Variants in UTS2B observed in about 807,000 individuals in gnomAD.
UTS2B encodes urotensin-2B.
A neutral mutation model predicts 19.2 loss-of-function variants in UTS2B; 21 were observed. The observed-to-expected ratio is 1.09, with a 90% CI of 0.78 to 1.58. UTS2B has a LOEUF of 1.58. UTS2B is among the 40% of genes most tolerant of loss of function. The pLI, the probability that UTS2B is intolerant of heterozygous loss-of-function variation, is 0.00. For missense variants in UTS2B, 138 were observed against 130.3 expected (o/e 1.06, Z -0.29); for synonymous variants, 57 against 50.2 (o/e 1.14, Z -0.58).
At position 191,299,093 on chromosome 3, in the gene UTS2B, C is replaced by A. The variant is rs146341263; in HGVS notation, c.-125+5399G>T. Among the ~76,000 whole-genome samples the A allele has an allele frequency of 9.2e-5, 14 of 151,982 alleles. No individual in the cohort carries two copies. In the East Asian group the frequency reaches 2.7e-3, roughly 29 times the overall value. On this transcript the variant is annotated intron_variant, in intron 4 of 8. Transcript: ENST00000340524. ...TCCTATGCAGGAGCAAAGAAGTGAT[C>A]TGAAATTTGAACTTACATTTAAAAG...
At chr3:191,309,052 G>C (rs1257973069) in intron 3 of UTS2B, among the ~76,000 whole-genome samples, 1 of 152,220 alleles carries the variant, frequency 6.6e-6, no homozygotes, top group Non-Finnish European at 1.5e-5. Flanking sequence ...AATGCCAGTA[G>C]GTGGGTTAAT....
chr3:191,308,126 G>C (rs116347493), intron 3 of UTS2B, among the ~76,000 whole-genome samples: 1 of 152,156 alleles, frequency 6.6e-6, no homozygotes, highest in Non-Finnish European at 1.5e-5. Flanking sequence ...CAGCCACCAC[G>C]ATGTAGGGAC....
chr3:191,281,690 A>G (rs1235185972), intron 5 of UTS2B, among the ~76,000 whole-genome samples: 3 of 57,708 alleles, frequency 5.2e-5, no homozygotes, highest in African/African-American at 1.1e-4. Flanking sequence ...AGAACTTACT[A>G]ATAGTCTTGT....
intron 4 of UTS2B, among the ~76,000 whole-genome samples, chr3:191,286,418 A>T (rs6777883): frequency 0.041 from 6,285 of 152,292 alleles, 438 homozygotes; most frequent in African/African-American, 0.14. Flanking sequence ...CATATCTTAT[A>T]TCTTCTCCAA....
At chr3:191,313,265 G>A (rs1296654165) in intron 3 of UTS2B, among the ~76,000 whole-genome samples, 2 of 152,140 alleles carry the variant, frequency 1.3e-5, no homozygotes, top group African/African-American at 2.4e-5. Flanking sequence ...AAAGTGCTGG[G>A]ATTACAGATG....
At chr3:191,339,803 A>G in the UTS2B span, among the ~76,000 whole-genome samples, 1 of 152,236 alleles carries the variant, frequency 6.6e-6, no homozygotes. Context: ...TGTGAGAACT[A>G]TTAGTTGAAA....
At chr3:191,270,748 G>A (rs143161556) in intron 8 of UTS2B, among the ~76,000 whole-genome samples, 1 of 152,134 alleles carries the variant, frequency 6.6e-6, no homozygotes, top group Non-Finnish European at 1.5e-5. Context: ...GAAGTTCTCA[G>A]TCCTCATTTT....
Position 191,273,162 on chromosome 3 carries a change from C to T in UTS2B, c.334+2090G>A, listed in dbSNP as rs187824270. 3.8e-3 allele frequency among the ~76,000 whole-genome samples: 585 copies of T among 151,988 alleles called. 1 individual carries two copies. Among genetic ancestry groups the T allele is most frequent in the Middle Eastern group, 6.8e-3 (2 of 294 alleles). ...CAGCCTGGGCTACAGAGCGAGACTC[C>T]GTCTCAAAAAAAAGGAGTGGCCACA... is the stretch of plus-strand genomic sequence containing the variant. On this transcript the variant is annotated intron_variant, in intron 8 of 8. Transcript: ENST00000340524.
intron 3 of UTS2B, among the ~76,000 whole-genome samples, chr3:191,313,073 T>G (rs1372658076): frequency 6.6e-6 from 1 of 151,084 alleles, no homozygotes; most frequent in African/African-American, 2.4e-5. Flanking sequence ...CGCAGTGGTG[T>G]GATCTCGGCC....
At position 191,275,567 on chromosome 3, in the gene UTS2B, C is replaced by T. The variant is rs527988625; in HGVS notation, c.241-222G>A. On this transcript the variant is annotated intron_variant, in intron 7 of 8. Transcript: ENST00000340524. ...TGGTAGCAGGCACCTGTAGTCCCAGCTACTCGGGAGGCTAAGGCAGGAGAA... is the reference window on the plus strand; with the variant it reads ...TGGTAGCAGGCACCTGTAGTCCCAGTTACTCGGGAGGCTAAGGCAGGAGAA... 5.3e-5 allele frequency among the ~76,000 whole-genome samples: 8 copies of T among 152,186 alleles called. No individual in the cohort carries two copies. In the South Asian group the frequency reaches 1.5e-3, roughly 28 times the overall value.
chr3:191,270,887 A>G (rs1716073531), intron 8 of UTS2B, among the ~76,000 whole-genome samples: 1 of 152,104 alleles, frequency 6.6e-6, no homozygotes, highest in Non-Finnish European at 1.5e-5. Context: ...CTTCCTCAGG[A>G]AATGACCTTT....
chr3:191,284,478 T>C (rs1211760939), intron 4 of UTS2B, among the ~76,000 whole-genome samples: 3 of 151,234 alleles, frequency 2.0e-5, no homozygotes, highest in Non-Finnish European at 3.0e-5. Context: ...AGCACCACCA[T>C]GTCTGGCTAA....
Position 191,302,998 on chromosome 3 carries a change from TTAAC to T in UTS2B, c.-125+1490_-125+1493del, listed in dbSNP as rs1717043770. Reference sequence around the variant, plus strand: ...CAATAATATCATCAAATAGCGAAGATTAACTAACAGGAAAGGAGAAAAAAGATTG... The same window carrying T: ...CAATAATATCATCAAATAGCGAAGATTAACAGGAAAGGAGAAAAAAGATTG... On this transcript the variant is annotated intron_variant, in intron 4 of 8. Coordinates refer to ENST00000340524, the MANE Select transcript of UTS2B (RefSeq NM_198152.5). 3.3e-5 allele frequency among the ~76,000 whole-genome samples: 5 copies of T among 152,172 alleles called. No homozygotes were observed. In the South Asian group the frequency reaches 1.0e-3, roughly 32 times the overall value.
chr3:191,289,233 C>A (rs1716640340), intron 4 of UTS2B, among the ~76,000 whole-genome samples: 1 of 151,910 alleles, frequency 6.6e-6, no homozygotes, highest in Non-Finnish European at 1.5e-5. Flanking sequence ...CATGGTGAAA[C>A]CCCATCTCTA....
intron 4 of UTS2B, among the ~76,000 whole-genome samples, chr3:191,289,340 C>A (rs971476725): frequency 2.0e-5 from 3 of 149,892 alleles, no homozygotes; most frequent in African/African-American, 7.6e-5. Flanking sequence ...ACCTGGGAGA[C>A]AGAGCTTGCA....
upstream of UTS2B, among the ~76,000 whole-genome samples, chr3:191,334,183 A>C (rs1326200581): frequency 6.6e-6 from 1 of 152,132 alleles, no homozygotes; most frequent in African/African-American, 2.4e-5. Context: ...CACAATAAAA[A>C]AAAATTTTCC....
intron 2 of UTS2B, among the ~76,000 whole-genome samples, chr3:191,319,703 C>CA (rs10669169): frequency 0.23 from 31,158 of 134,742 alleles, 3,440 homozygotes; most frequent in South Asian, 0.26. Flanking sequence ...GCTAAAAATA[C>CA]AAAAAAAAAA....
intron 8 of UTS2B, among the ~76,000 whole-genome samples, chr3:191,271,518 A>G (rs1576911424): frequency 6.6e-6 from 1 of 152,158 alleles, no homozygotes; most frequent in Admixed American, 6.5e-5. Context: ...TTTTGGTAAC[A>G]ATAGCTTTGG....
rs1716198355 is a variant in UTS2B at position 191,275,266 on chromosome 3, TGAGAA to T, written c.315_319del (p.His107Ter). ...TGAAAGCTTACCTCGTTTGCTAGGA[TGAGAA>T]GAGAATAGACCATCTACAGCATAGG... is the stretch of plus-strand genomic sequence containing the variant. On this transcript the variant is annotated frameshift_variant, in exon 8 of 9. Transcript: ENST00000340524. LOFTEE classifies it high-confidence loss of function. 9 of 1,609,184 alleles carry T rather than the reference TGAGAA, an allele frequency of 5.6e-6. No individual in the cohort carries two copies. The highest frequency in any genetic ancestry group is 1.3e-5 in the African/African-American group (1 of 74,810).
Sources: allele counts gnomAD v4.1 joint callset (sites outside exome capture counted in the v4.1 genomes callset), GRCh38; gene constraint gnomAD v4.1.1; transcripts MANE v1.5; gene names NCBI Gene and HGNC (gene_info 2026-07-23, HGNC 2026-07-21).